DNM3: variants seen among roughly 807,000 people sequenced by gnomAD.
The protein encoded by DNM3 is dynamin 3.
In DNM3, 47 loss-of-function variants were observed where a neutral mutation model predicts 101.6. The ratio of observed to expected loss-of-function variants is 0.46; its 90% CI spans 0.37 to 0.59. The LOEUF (loss-of-function observed/expected upper bound fraction) is 0.59, where lower values mean the gene tolerates loss of function less well. DNM3 is among the 20% of genes least tolerant of loss of function. The pLI is 0.00. For synonymous variants in DNM3, 385 were observed against 387.9 expected, an observed-to-expected ratio of 0.99 and a Z score of 0.09; for missense variants, 849 against 1,085.7, an observed-to-expected ratio of 0.78 and a Z score of 3.06.
chr1:171,910,021 T>C (rs151116209), intron 1 of DNM3, among the ~76,000 whole-genome samples: 3 of 152,372 alleles, frequency 2.0e-5, no homozygotes, highest in African/African-American at 7.2e-5. Flanking sequence ...GTGTTGATTC[T>C]TTTGTTGATT....
At chr1:171,877,710 TA>T (rs1001565446) in intron 1 of DNM3, among the ~76,000 whole-genome samples, 6 of 151,966 alleles carry the variant, frequency 3.9e-5, no homozygotes, top group East Asian at 1.9e-4. Context: ...AATGGAGAGT[TA>T]AAAAAAAACT....
intron 16 of DNM3, among the ~76,000 whole-genome samples, chr1:172,320,956 A>ACAGCTTCCCC (rs1456772593): frequency 6.6e-6 from 1 of 152,318 alleles, no homozygotes; most frequent in Non-Finnish European, 1.5e-5. Context: ...TTAGCTGTAT[A>ACAGCTTCCCC]TATAAGTGGT....
intron 1 of DNM3, among the ~76,000 whole-genome samples, chr1:171,843,793 T>A (rs1301533284): frequency 1.3e-5 from 2 of 152,118 alleles, no homozygotes; most frequent in African/African-American, 4.8e-5. Flanking sequence ...AAAAAAGAAA[T>A]GTAGAAGAGT....
intron 4 of DNM3, among the ~76,000 whole-genome samples, chr1:171,991,636 G>T (rs541828340): frequency 6.6e-6 from 1 of 152,280 alleles, no homozygotes; most frequent in East Asian, 1.9e-4. Flanking sequence ...ATGTAGGCAT[G>T]ATTGATTAAA....
At chr1:172,118,034 C>T (rs867955177) in intron 13 of DNM3, among the ~76,000 whole-genome samples, 4 of 152,112 alleles carry the variant, frequency 2.6e-5, no homozygotes, top group African/African-American at 9.7e-5. Flanking sequence ...GGTGAAAGCC[C>T]CAGTTACCCA....
At chr1:172,369,769 G>A (rs10911654) in intron 17 of DNM3, among the ~76,000 whole-genome samples, 3 of 151,706 alleles carry the variant, frequency 2.0e-5, no homozygotes, top group Non-Finnish European at 4.4e-5. Flanking sequence ...ATTACATATT[G>A]TATTAGTTTG....
chr1:172,334,483 G>A (rs1458872980), intron 17 of DNM3, among the ~76,000 whole-genome samples: 1 of 152,142 alleles, frequency 6.6e-6, no homozygotes, highest in African/African-American at 2.4e-5. Context: ...TGTGTCAATA[G>A]TGTCAAAAAT....
intron 15 of DNM3, among the ~76,000 whole-genome samples, chr1:172,279,888 G>T (rs1021291327): frequency 1.3e-5 from 2 of 152,066 alleles, no homozygotes; most frequent in East Asian, 3.9e-4. Flanking sequence ...AACCAGAGTG[G>T]TATTTTTTAA....
intron 17 of DNM3, among the ~76,000 whole-genome samples, chr1:172,326,707 C>T (rs936333605): frequency 3.3e-5 from 5 of 151,444 alleles, no homozygotes; most frequent in African/African-American, 4.9e-5. Flanking sequence ...TTAAATTAGG[C>T]AAGTTAAAGG....
At chr1:172,073,834 G>A (rs2052417111) in intron 11 of DNM3, among the ~76,000 whole-genome samples, 1 of 152,156 alleles carries the variant, frequency 6.6e-6, no homozygotes, top group African/African-American at 2.4e-5. Flanking sequence ...GAGAACACAA[G>A]GAAACGTAGA....
intron 14 of DNM3, among the ~76,000 whole-genome samples, chr1:172,165,051 T>A (rs2058698030): frequency 6.6e-6 from 1 of 152,054 alleles, no homozygotes; most frequent in African/African-American, 2.4e-5. Context: ...AGTCTGGAGA[T>A]CCAGTGTTAT....
At chr1:172,380,158 C>G (rs939388093) in intron 18 of DNM3, among the ~76,000 whole-genome samples, 2 of 151,960 alleles carry the variant, frequency 1.3e-5, no homozygotes, top group African/African-American at 4.8e-5. Flanking sequence ...TAAGGTGAGT[C>G]TCTTTCATGT....
At chr1:172,096,805 A>G (rs941427008) in intron 13 of DNM3, among the ~76,000 whole-genome samples, 5 of 152,214 alleles carry the variant, frequency 3.3e-5, no homozygotes, top group African/African-American at 1.2e-4. Context: ...CCAATAGGGA[A>G]GGGAACTCAA....
intron 14 of DNM3, among the ~76,000 whole-genome samples, chr1:172,166,546 T>C (rs1440532752): frequency 6.6e-6 from 1 of 152,074 alleles, no homozygotes; most frequent in African/African-American, 2.4e-5. Context: ...CAAGTTAGGA[T>C]TAGACCTGGA....
chr1:172,416,665 C>T (rs982618158), downstream of DNM3, among the ~76,000 whole-genome samples: 1 of 152,158 alleles, frequency 6.6e-6, no homozygotes, highest in African/African-American at 2.4e-5. Context: ...TGGCCCACCT[C>T]CCCACCCTGC....
intron 1 of DNM3, among the ~76,000 whole-genome samples, chr1:171,855,438 T>C (rs1461525655): frequency 6.6e-6 from 1 of 152,314 alleles, no homozygotes; most frequent in East Asian, 1.9e-4. Flanking sequence ...CTTTTAGTTC[T>C]TTGAGGAATC....
intron 14 of DNM3, among the ~76,000 whole-genome samples, chr1:172,235,576 G>T (rs1017678532): frequency 1.3e-5 from 2 of 152,206 alleles, no homozygotes; most frequent in Non-Finnish European, 2.9e-5. Flanking sequence ...ATTCACAATA[G>T]CAAAGACTTG....
chr1:172,283,245 T>G (rs1388215791), intron 15 of DNM3, among the ~76,000 whole-genome samples: 1 of 152,188 alleles, frequency 6.6e-6, no homozygotes, highest in Non-Finnish European at 1.5e-5. Context: ...CCTTTTAGCC[T>G]CATCTCTCTT....
chr1:172,173,204 G>A (rs2059025791), intron 14 of DNM3, among the ~76,000 whole-genome samples: 1 of 151,770 alleles, frequency 6.6e-6, no homozygotes, highest in Non-Finnish European at 1.5e-5. Flanking sequence ...GGTGAAGATG[G>A]AGAGCCAGGG....
Sources: allele counts gnomAD v4.1 joint callset (sites outside exome capture counted in the v4.1 genomes callset), GRCh38; gene constraint gnomAD v4.1.1; transcripts MANE v1.5; gene names NCBI Gene and HGNC (gene_info 2026-07-23, HGNC 2026-07-21).